The following DNAJB13 variants were observed in gnomAD, a reference collection of about 807,000 sequenced individuals.
DNAJB13 encodes the protein dnaJ homolog subfamily B member 13.
A neutral mutation model predicts 35.6 loss-of-function variants in DNAJB13; 22 were observed. The ratio of observed to expected loss-of-function variants is 0.62; its 90% CI spans 0.44 to 0.88. The LOEUF is 0.88. Among genes scored for constraint, DNAJB13 ranks in the 40% least tolerant of loss-of-function variants. The pLI is 0.00. For missense variants in DNAJB13, 370 were observed against 384.3 expected (o/e 0.96, Z 0.31); for synonymous variants, 136 against 144.2 (o/e 0.94, Z 0.41).
Position 73,970,031 on chromosome 11 carries a change from CTCT to C in DNAJB13, c.871_873del (p.Phe291del). 6.2e-7 allele frequency: 1 copy of C among 1,611,710 alleles called. No individual in the cohort carries two copies. ...GGAGGACCCCACTAAGAAAGGGGAT[CTCT>C]TCATCTTCTTCGACATCCAGTTCCC... On this transcript the variant is annotated inframe_deletion, in exon 8 of 8. Coordinates refer to ENST00000339764, the MANE Select transcript of DNAJB13 (RefSeq NM_153614.4).
intron 1 of DNAJB13, among the ~76,000 whole-genome samples, chr11:73,954,643 A>AGAAAT (rs750578093): frequency 7.6e-6 from 1 of 132,172 alleles, no homozygotes. Flanking sequence ...AAAAAAAAAT[A>AGAAAT]AAATAAATAA....
intron 5 of DNAJB13, chr11:73,968,114 T>C: frequency 2.0e-6 from 1 of 508,210 alleles, no homozygotes; most frequent in Non-Finnish European, 3.5e-6. Context: ...TGAGTGTGTC[T>C]ATTTTGGGCA....
At chr11:73,961,532 C>G (rs549799011) in intron 3 of DNAJB13, among the ~76,000 whole-genome samples, 20 of 152,324 alleles carry the variant, frequency 1.3e-4, no homozygotes, top group Non-Finnish European at 2.8e-4. Flanking sequence ...GGTGGACCCA[C>G]AAAGGCTGCT....
rs1951181215 is a variant in DNAJB13 at position 73,968,350 on chromosome 11, C to T, written c.612C>T (p.Pro204=). 1 of 1,614,142 alleles carries T rather than the reference C, an allele frequency of 6.2e-7. No homozygotes were observed. Among genetic ancestry groups the T allele is most frequent in the South Asian group, 1.1e-5 (1 of 91,084 alleles). Residue 204 remains proline (P), a synonymous_variant, in exon 6 of 8, where the codon CCC becomes CCT. Transcript: ENST00000339764. The part of the protein sequence containing the change: ...ITFEKEGDQG[P]NIIPADIIFI... ...TTTTGGCGTCCCCTGCCCAGGGCCCCAACATCATCCCAGCAGACATCATTT... is the reference window on the plus strand; with the variant it reads ...TTTTGGCGTCCCCTGCCCAGGGCCCTAACATCATCCCAGCAGACATCATTT...
intron 3 of DNAJB13, among the ~76,000 whole-genome samples, chr11:73,963,112 G>T (rs1565174216): frequency 6.6e-6 from 1 of 152,192 alleles, no homozygotes; most frequent in East Asian, 1.9e-4. Flanking sequence ...GATCACTTGA[G>T]GTCGGCAGTT....
chr11:73,962,866 C>T (rs538934551), intron 3 of DNAJB13, among the ~76,000 whole-genome samples: 9 of 152,164 alleles, frequency 5.9e-5, no homozygotes, highest in Non-Finnish European at 8.8e-5. Flanking sequence ...CAAGGGGCTT[C>T]GAGTAGCGGG....
In DNAJB13 at chr11:73,970,145, G is replaced by A; in HGVS notation, c.*31G>A. ...GTGGGCTGGAGCAGGGGTGAGAGGA[G>A]GCTAGCCGGGCCTCACCCCACCCCT... On this transcript the variant is annotated 3_prime_UTR_variant, in exon 8 of 8. Coordinates refer to ENST00000339764, the MANE Select transcript of DNAJB13 (RefSeq NM_153614.4). 3 of 1,551,526 alleles carry A rather than the reference G, an allele frequency of 1.9e-6. No individual in the cohort carries two copies. Among genetic ancestry groups the A allele is most frequent in the East Asian group, 2.3e-5 (1 of 44,120 alleles).
chr11:73,954,735 C>G (rs906418865), intron 1 of DNAJB13, among the ~76,000 whole-genome samples: 6 of 152,028 alleles, frequency 3.9e-5, no homozygotes, highest in African/African-American at 1.4e-4. Flanking sequence ...GCAGGAGGAT[C>G]TCCTGAGGTC....
In DNAJB13 at chr11:73,964,690, C is replaced by A. The variant is rs1591196700; in HGVS notation, c.335-188C>A. 4 of 634,712 alleles carry A rather than the reference C, an allele frequency of 6.3e-6. No individual in the cohort carries two copies. The East Asian group carries it at 1.2e-4, about 19-fold the overall frequency. The allele number at this position is 634,712 out of a possible 1,614,324, so 39.3% of individuals were successfully genotyped here. A position where few individuals can be genotyped will look rare whatever the true frequency, so the allele number is the denominator to read the frequency against. ...AAGACAGCTCCTTGGCTTGGCCAGT[C>A]TGAGAGGTGGTTATAGGATGCTGGG... On this transcript the variant is annotated intron_variant, in intron 3 of 7. Coordinates refer to ENST00000339764, the MANE Select transcript of DNAJB13 (RefSeq NM_153614.4).
chr11:73,968,799 T>G (rs1951198836), intron 6 of DNAJB13, among the ~76,000 whole-genome samples: 1 of 152,078 alleles, frequency 6.6e-6, no homozygotes, highest in Non-Finnish European at 1.5e-5. Flanking sequence ...GCTTACTCCT[T>G]CCCCTGCACT....
In DNAJB13 at chr11:73,965,052, C is replaced by T. The variant is rs957528609; in HGVS notation, c.492+17C>T. 2 of 1,547,500 alleles carry T rather than the reference C, an allele frequency of 1.3e-6. No homozygotes were observed. The highest frequency in any genetic ancestry group is 2.3e-5 in the East Asian group (1 of 44,242). Reference sequence around the variant, plus strand: ...TCCAGAAGGGTGAGTACTCAGCTTGCTCCTCCCGGGAGCCACCTATCTCCT... The same window carrying T: ...TCCAGAAGGGTGAGTACTCAGCTTGTTCCTCCCGGGAGCCACCTATCTCCT... On this transcript the variant is annotated intron_variant, in intron 4 of 7. Transcript: ENST00000339764.
chr11:73,954,814 G>T (rs1591172728), intron 1 of DNAJB13, among the ~76,000 whole-genome samples: 1 of 151,978 alleles, frequency 6.6e-6, no homozygotes, highest in East Asian at 1.9e-4. Flanking sequence ...AGCCAGGCGT[G>T]GTGACGGGTA....
At chr11:73,959,850 C>T (rs1950878606) in intron 3 of DNAJB13, 195 bp downstream of exon 3, 2 of 404,200 alleles carry the variant, frequency 4.9e-6, no homozygotes, top group African/African-American at 4.2e-5. Flanking sequence ...GCAACCTCTG[C>T]CTCCCGGGTT....
intron 1 of DNAJB13, 78 bp downstream of exon 1, chr11:73,951,215 C>A (rs1485932640): frequency 3.2e-6 from 5 of 1,544,784 alleles, no homozygotes; most frequent in Non-Finnish European, 4.5e-6. Flanking sequence ...ACGAGCTTTC[C>A]TGCACAGCTT....
At chr11:73,957,900 C>T (rs919065974) in intron 1 of DNAJB13, among the ~76,000 whole-genome samples, 17 of 152,192 alleles carry the variant, frequency 1.1e-4, no homozygotes, top group African/African-American at 3.6e-4. Flanking sequence ...AGCCTGACAC[C>T]TGCGAGTGGA....
intron 1 of DNAJB13, among the ~76,000 whole-genome samples, chr11:73,952,840 C>A (rs1242691767): frequency 4.6e-5 from 7 of 152,160 alleles, no homozygotes; most frequent in South Asian, 2.1e-4. Flanking sequence ...AAATCATCAT[C>A]ATAATAAAGG....
intron 1 of DNAJB13, among the ~76,000 whole-genome samples, chr11:73,955,117 TATATA>T (rs66885003): frequency 0.079 from 11,948 of 151,842 alleles, 568 homozygotes; most frequent in African/African-American, 0.13. Flanking sequence ...GAGCTAAACT[TATATA>T]AGGAAGAAAA....
chr11:73,969,833 C>A, intron 7 of DNAJB13, 128 bp from the exon 8 acceptor site: 1 of 1,264,434 alleles, frequency 7.9e-7, no homozygotes, highest in Non-Finnish European at 1.1e-6. Context: ...GGCTAAGAAC[C>A]ACTCCAGGTG....
intron 3 of DNAJB13, among the ~76,000 whole-genome samples, chr11:73,960,342 C>A (rs1950895873): frequency 6.6e-6 from 1 of 152,084 alleles, no homozygotes; most frequent in Non-Finnish European, 1.5e-5. Context: ...CCACACCCAG[C>A]TAATAATTTT....
Sources: gnomAD v4.1 joint callset for allele counts (sites outside exome capture counted in the v4.1 genomes callset) on GRCh38, gnomAD v4.1.1 for gene constraint, MANE v1.5 for transcripts, NCBI Gene and HGNC (gene_info 2026-07-23, HGNC 2026-07-21) for gene names.